KIAA1217: variants seen among roughly 807,000 people sequenced by gnomAD.
The protein encoded by KIAA1217 is KIAA1217.
In KIAA1217, 88 loss-of-function variants were observed where a neutral mutation model predicts 163.9. The observed-to-expected ratio is 0.54, with a 90% CI of 0.45 to 0.64. KIAA1217 has a LOEUF of 0.64. Ranked by LOEUF, KIAA1217 falls within the 30% of genes least tolerant of loss-of-function variation. The pLI, the probability that KIAA1217 is intolerant of heterozygous loss-of-function variation, is 0.00. For synonymous variants in KIAA1217, 903 were observed against 923.1 expected (o/e 0.98, Z 0.39); for missense variants, 2,372 against 2,475.0 (o/e 0.96, Z 0.88).
At chr10:24,073,014 A>T (rs538724678) in intron 2 of KIAA1217, among the ~76,000 whole-genome samples, 1 of 151,458 alleles carries the variant, frequency 6.6e-6, no homozygotes, top group East Asian at 2.0e-4. Context: ...GCCCAAGATC[A>T]CGCCACTGCA....
chr10:24,433,800 C>A (rs531082263), intron 4 of KIAA1217, among the ~76,000 whole-genome samples: 103 of 149,622 alleles, frequency 6.9e-4, no homozygotes, highest in Non-Finnish European at 8.8e-4. Context: ...AAGCAGTGGG[C>A]TCTGTATTAT....
At chr10:23,969,097 C>G (rs556208126) in intron 1 of KIAA1217, among the ~76,000 whole-genome samples, 3 of 152,146 alleles carry the variant, frequency 2.0e-5, no homozygotes, top group Non-Finnish European at 4.4e-5. Context: ...TGCAATGGCA[C>G]GATCTCGGCT....
intron 2 of KIAA1217, among the ~76,000 whole-genome samples, chr10:24,106,459 G>A (rs1460329803): frequency 6.6e-6 from 1 of 151,462 alleles, no homozygotes; most frequent in Non-Finnish European, 1.5e-5. Context: ...TTGGAGGCTG[G>A]AAGTCCACTC....
chr10:23,978,747 A>G (rs954899585), intron 1 of KIAA1217, among the ~76,000 whole-genome samples: 1 of 152,200 alleles, frequency 6.6e-6, no homozygotes, highest in Non-Finnish European at 1.5e-5. Context: ...AAACATACAC[A>G]GAAAGTGCAA....
intron 1 of KIAA1217, among the ~76,000 whole-genome samples, chr10:23,839,002 T>C (rs964719415): frequency 2.1e-5 from 3 of 145,068 alleles, no homozygotes; most frequent in Non-Finnish European, 4.4e-5. Flanking sequence ...TGTGTTCAGC[T>C]CCATTCTTTT....
intron 2 of KIAA1217, among the ~76,000 whole-genome samples, chr10:24,068,160 T>C (rs904407706): frequency 6.6e-6 from 1 of 152,200 alleles, no homozygotes; most frequent in Non-Finnish European, 1.5e-5. Flanking sequence ...CTGCACCCAC[T>C]GTCCGGCACT....
chr10:24,372,043 G>A (rs1234829756), intron 2 of KIAA1217, among the ~76,000 whole-genome samples: 2 of 152,128 alleles, frequency 1.3e-5, no homozygotes, highest in Non-Finnish European at 2.9e-5. Context: ...AGACACTGGG[G>A]ACTCCTGGAG....
At chr10:24,470,918 C>T (rs1283175810) in intron 5 of KIAA1217, among the ~76,000 whole-genome samples, 3 of 152,128 alleles carry the variant, frequency 2.0e-5, no homozygotes, top group South Asian at 4.1e-4. Flanking sequence ...ACTGGTTGTT[C>T]CTGCATTCTT....
intron 3 of KIAA1217, among the ~76,000 whole-genome samples, chr10:24,426,364 G>A (rs57885410): frequency 0.067 from 10,242 of 152,152 alleles, 347 homozygotes; most frequent in African/African-American, 0.096. Context: ...GGCTCCACCT[G>A]TAATCCTAGC....
chr10:24,519,501 C>A (rs528095346), intron 10 of KIAA1217, among the ~76,000 whole-genome samples: 22 of 152,238 alleles, frequency 1.4e-4, no homozygotes, highest in African/African-American at 4.3e-4. Context: ...TTTGCTCCCC[C>A]TTCCCCAGGG....
intron 1 of KIAA1217, among the ~76,000 whole-genome samples, chr10:23,719,590 A>G (rs1456310950): frequency 1.3e-4 from 20 of 151,800 alleles, no homozygotes; most frequent in Non-Finnish European, 2.9e-4. Flanking sequence ...TCAAAAATAA[A>G]TAAATAAATA....
In KIAA1217 at chr10:24,427,215, AC is replaced by A. The variant is rs538636458; in HGVS notation, c.554-5775del. Reference sequence around the variant, plus strand: ...TCGGCACCTCCCCCTCCCACCCCACACCCCCATCCAGCATGTGGATCCATTC... The same window carrying A: ...TCGGCACCTCCCCCTCCCACCCCACACCCCATCCAGCATGTGGATCCATTC... On this transcript the variant is annotated intron_variant, in intron 3 of 20. Transcript: ENST00000376454. 2.9e-3 allele frequency among the ~76,000 whole-genome samples: 410 copies of A among 140,308 alleles called. 1 individual carries two copies. Among genetic ancestry groups the A allele is most frequent in the African/African-American group, 0.011 (397 of 37,588 alleles). 92.0% of individuals were successfully genotyped at this position (140,308 alleles called of 152,430 possible). A position where few individuals can be genotyped will look rare whatever the true frequency, so the allele number is the denominator to read the frequency against.
chr10:23,942,527 G>C (rs879343868), intron 1 of KIAA1217, among the ~76,000 whole-genome samples: 1 of 152,108 alleles, frequency 6.6e-6, no homozygotes, highest in African/African-American at 2.4e-5. Flanking sequence ...AACTTCAGTG[G>C]AGCAGAAAAA....
At chr10:23,882,715 G>A (rs576360575) in intron 1 of KIAA1217, among the ~76,000 whole-genome samples, 1 of 151,996 alleles carries the variant, frequency 6.6e-6, no homozygotes, top group East Asian at 2.0e-4. Context: ...TCTCAGCAAT[G>A]TTTCTCATGC....
At chr10:24,164,557 A>G (rs2065258951) in intron 2 of KIAA1217, among the ~76,000 whole-genome samples, 1 of 152,184 alleles carries the variant, frequency 6.6e-6, no homozygotes, top group African/African-American at 2.4e-5. Flanking sequence ...ATATTTGTTA[A>G]ATGGATGAAT....
At chr10:23,967,001 A>G (rs1219926844) in intron 1 of KIAA1217, among the ~76,000 whole-genome samples, 1 of 150,664 alleles carries the variant, frequency 6.6e-6, no homozygotes, top group Non-Finnish European at 1.5e-5. Flanking sequence ...TGGTGTTATC[A>G]TAAAATTTTG....
At chr10:24,071,586 G>A (rs1485965113) in intron 2 of KIAA1217, among the ~76,000 whole-genome samples, 3 of 152,090 alleles carry the variant, frequency 2.0e-5, no homozygotes, top group Admixed American at 2.0e-4. Context: ...CATGATTTGG[G>A]AAGTCACATT....
intron 2 of KIAA1217, among the ~76,000 whole-genome samples, chr10:24,132,953 C>G (rs1484122846): frequency 1.3e-5 from 2 of 152,108 alleles, no homozygotes; most frequent in East Asian, 3.9e-4. Context: ...GAAGTTACAC[C>G]CTAACTGGCT....
At chr10:23,893,762 C>T (rs1319576566) in intron 1 of KIAA1217, among the ~76,000 whole-genome samples, 2 of 152,020 alleles carry the variant, frequency 1.3e-5, no homozygotes, top group African/African-American at 4.8e-5. Flanking sequence ...CAAACCAAAT[C>T]CAGCAGCACA....
Sources: allele counts gnomAD v4.1 joint callset (sites outside exome capture counted in the v4.1 genomes callset), GRCh38; gene constraint gnomAD v4.1.1; transcripts MANE v1.5; gene names NCBI Gene and HGNC (gene_info 2026-07-23, HGNC 2026-07-21).